LSM3: variants seen among roughly 807,000 people sequenced by gnomAD.
LSM3 encodes the protein U6 snRNA-associated Sm-like protein LSm3.
In LSM3, 14 loss-of-function variants were observed where a neutral mutation model predicts 15.4. That is an observed-to-expected ratio of 0.91 (90% CI 0.60 to 1.42). The LOEUF is 1.42. LSM3 is among the 40% of genes most tolerant of loss of function. The pLI, the probability that LSM3 is intolerant of heterozygous loss-of-function variation, is 0.00. For synonymous variants in LSM3, 46 were observed against 45.1 expected (o/e 1.02, Z -0.08); for missense variants, 88 against 127.9 (o/e 0.69, Z 1.50).
At chr3:14,196,899 GC>G (rs1697192360) in intron 3 of LSM3, among the ~76,000 whole-genome samples, 1 of 152,308 alleles carries the variant, frequency 6.6e-6, no homozygotes, top group African/African-American at 2.4e-5. Flanking sequence ...AATTCAAAGG[GC>G]CAGTAACCTG....
In LSM3 at chr3:14,198,931, A is replaced by G. The variant is rs999106535; in HGVS notation, c.*815A>G. ...GATGTTTAAACCAACAATTGCAGGC[A>G]GTAAGATTAGTGCTGATAGAATCAT... On this transcript the variant is annotated 3_prime_UTR_variant, in exon 4 of 4. Coordinates refer to ENST00000306024, the MANE Select transcript of LSM3 (RefSeq NM_014463.3). 2 of 152,116 alleles carry G rather than the reference A, an allele frequency of 1.3e-5. No individual in the cohort carries two copies. The highest frequency in any genetic ancestry group is 2.9e-5 in the Non-Finnish European group (2 of 68,020). The allele number at this position is 152,116 out of a possible 1,614,324, so 9.4% of individuals were successfully genotyped here.
At chr3:14,192,228 G>A (rs562027301) in intron 3 of LSM3, among the ~76,000 whole-genome samples, 1 of 152,318 alleles carries the variant, frequency 6.6e-6, no homozygotes, top group Non-Finnish European at 1.5e-5. Flanking sequence ...GAATAAGTGT[G>A]ATGTGGTGCT....
At position 14,199,158 on chromosome 3, in the gene LSM3, A is replaced by C. The variant is rs980113722; in HGVS notation, c.*1042A>C. On this transcript the variant is annotated 3_prime_UTR_variant, in exon 4 of 4. Transcript: ENST00000306024. ...TAATTATGACTCAGACCATTTTTCC[A>C]CTCTTGGATCATTGGCCATTAATGA... The C allele has an allele frequency of 1.2e-4, 18 of 152,146 alleles. No homozygotes were observed. Among genetic ancestry groups the C allele is most frequent in the African/African-American group, 3.6e-4 (15 of 41,428 alleles). 9.4% of individuals were successfully genotyped at this position (152,146 alleles called of 1,614,324 possible). A position where few individuals can be genotyped will look rare whatever the true frequency, so the allele number is the denominator to read the frequency against.
intron 3 of LSM3, among the ~76,000 whole-genome samples, chr3:14,184,461 TAAAA>T (rs1490789874): frequency 6.6e-6 from 1 of 152,154 alleles, no homozygotes; most frequent in South Asian, 2.1e-4. Flanking sequence ...ATTTATTCAT[TAAAA>T]AAACCTGGGC....
At chr3:14,197,029 G>C (rs750694325) in intron 3 of LSM3, among the ~76,000 whole-genome samples, 1 of 152,186 alleles carries the variant, frequency 6.6e-6, no homozygotes. Context: ...CAAAAGTTTG[G>C]GTGGAAAGAC....
At chr3:14,194,770 G>A in intron 3 of LSM3, among the ~76,000 whole-genome samples, 1 of 128,958 alleles carries the variant, frequency 7.8e-6, no homozygotes, top group Admixed American at 8.7e-5. Context: ...TGAGTTTATA[G>A]CATCCTTTTT....
chr3:14,185,342 ACT>A (rs1018496745), intron 3 of LSM3, among the ~76,000 whole-genome samples: 33 of 151,588 alleles, frequency 2.2e-4, no homozygotes, highest in African/African-American at 7.3e-4. Context: ...ACAGAGTAAG[ACT>A]CTGTCTCAAA....
intron 3 of LSM3, among the ~76,000 whole-genome samples, chr3:14,193,664 G>A (rs1416864646): frequency 3.3e-5 from 5 of 152,106 alleles, no homozygotes; most frequent in African/African-American, 9.7e-5. Flanking sequence ...GGTTATTCTA[G>A]TTAACAATTT....
chr3:14,179,344 C>T (rs1696987138), intron 1 of LSM3, among the ~76,000 whole-genome samples: 1 of 152,142 alleles, frequency 6.6e-6, no homozygotes, highest in African/African-American at 2.4e-5. Flanking sequence ...GCGAGGAGAA[C>T]AGATAAAAGT....
chr3:14,184,108 G>C, intron 3 of LSM3, 76 bp downstream of exon 3: 3 of 1,477,208 alleles, frequency 2.0e-6, no homozygotes, highest in Non-Finnish European at 2.7e-6. Context: ...CATATTTATG[G>C]GAAGCCTGTC....
At chr3:14,195,823 G>C (rs528127339) in intron 3 of LSM3, among the ~76,000 whole-genome samples, 5 of 152,304 alleles carry the variant, frequency 3.3e-5, no homozygotes, top group African/African-American at 1.2e-4. Context: ...GCAGTCATTT[G>C]GGTAGCTAGG....
chr3:14,196,103 C>T (rs1022006949), intron 3 of LSM3, among the ~76,000 whole-genome samples: 7 of 152,062 alleles, frequency 4.6e-5, no homozygotes, highest in Admixed American at 4.6e-4. Context: ...CAGGTGCCCG[C>T]CACCACACCT....
In LSM3 at chr3:14,178,820, G is replaced by C; in HGVS notation, c.-41G>C. ...GTTTCCGGAGATTGACGTTGCTCTT[G>C]TGTTCTCGCGAGAGGCGGGAAAGGG... On this transcript the variant is annotated 5_prime_UTR_variant, in exon 1 of 4. Coordinates refer to ENST00000306024, the MANE Select transcript of LSM3 (RefSeq NM_014463.3). 7 of 1,613,618 alleles carry C rather than the reference G, an allele frequency of 4.3e-6. No homozygotes were observed. The highest frequency in any genetic ancestry group is 5.9e-6 in the Non-Finnish European group (7 of 1,179,446).
At chr3:14,184,142 C>T in intron 3 of LSM3, 110 bp downstream of exon 3, 1 of 1,317,028 alleles carries the variant, frequency 7.6e-7, no homozygotes, top group South Asian at 1.9e-5. Context: ...TACTTATGGA[C>T]TCAGTAGAGC....
In LSM3 at chr3:14,181,717, C is replaced by T. The variant is rs772335577; in HGVS notation, c.132+47C>T. 2.2e-6 allele frequency: 3 copies of T among 1,333,440 alleles called. No homozygotes were observed. The Admixed American group carries it at 5.0e-5, about 22-fold the overall frequency. 82.6% of individuals were successfully genotyped at this position (1,333,440 alleles called of 1,614,324 possible). On this transcript the variant is annotated intron_variant, in intron 2 of 3. Transcript: ENST00000306024. ...CCTTGAAATCAGATTCCTTCCTACC[C>T]CCACTCCCTTGAAATGTAAAACCTG...
rs1697206280 is a variant in LSM3, at chr3:14,198,539, G to A, written c.*423G>A. ...CTACTGTGTTTGAGGCACCAGGTTTGAGTGCTGGGAACCAGAGTTTTATCA... is the reference window on the plus strand; with the variant it reads ...CTACTGTGTTTGAGGCACCAGGTTTAAGTGCTGGGAACCAGAGTTTTATCA... On this transcript the variant is annotated 3_prime_UTR_variant, in exon 4 of 4. Transcript: ENST00000306024. 6.2e-6 allele frequency: 1 copy of A among 162,260 alleles called. No homozygotes were observed. Among genetic ancestry groups the A allele is most frequent in the African/African-American group, 2.4e-5 (1 of 41,510 alleles). 10.1% of individuals were successfully genotyped at this position (162,260 alleles called of 1,614,324 possible).
chr3:14,181,801 A>G (rs1697041640), intron 2 of LSM3, 131 bp downstream of exon 2: 1 of 615,014 alleles, frequency 1.6e-6, no homozygotes, highest in Non-Finnish European at 2.9e-6. Context: ...CCCATATCAC[A>G]TAAGCCAAAT....
rs950784318 is a variant in LSM3, at chr3:14,199,386, T to G, written c.*1270T>G. The G allele has an allele frequency of 2.0e-5, 3 of 152,220 alleles. No individual in the cohort carries two copies. Among genetic ancestry groups the G allele is most frequent in the Non-Finnish European group, 4.4e-5 (3 of 68,042 alleles). 9.4% of individuals were successfully genotyped at this position (152,220 alleles called of 1,614,324 possible). A position where few individuals can be genotyped will look rare whatever the true frequency, so the allele number is the denominator to read the frequency against. ...CCGCTATGGTCATTCCATTTTGAAA[T>G]GTAGAAAATCCAACTTGTGGATGGT... On this transcript the variant is annotated 3_prime_UTR_variant, in exon 4 of 4. Coordinates refer to ENST00000306024, the MANE Select transcript of LSM3 (RefSeq NM_014463.3).
At chr3:14,180,338 G>C (rs1697015545) in intron 1 of LSM3, among the ~76,000 whole-genome samples, 1 of 151,716 alleles carries the variant, frequency 6.6e-6, no homozygotes, top group Admixed American at 6.6e-5. Context: ...GCCCAGGCTG[G>C]AGTGCAGTGG....
Sources: gnomAD v4.1 joint callset for allele counts (sites outside exome capture counted in the v4.1 genomes callset) on GRCh38, gnomAD v4.1.1 for gene constraint, MANE v1.5 for transcripts, NCBI Gene and HGNC (gene_info 2026-07-23, HGNC 2026-07-21) for gene names.